The following CCDC172 variants were observed in gnomAD, a reference collection of about 807,000 sequenced individuals.
CCDC172 encodes the protein coiled-coil domain containing 172, also known as coiled-coil domain-containing protein 172.
A neutral mutation model predicts 38.0 loss-of-function variants in CCDC172; 30 were observed. That is an observed-to-expected ratio of 0.79 (90% CI 0.59 to 1.07). CCDC172 has a LOEUF of 1.07. CCDC172 is among the 50% of genes least tolerant of loss of function. The probability of loss-of-function intolerance (pLI) is 0.00; values close to 1 mark genes in which losing one functional copy is unlikely to be tolerated. For missense variants in CCDC172, 297 were observed against 290.1 expected (o/e 1.02, Z -0.17); for synonymous variants, 78 against 88.3 (o/e 0.88, Z 0.66).
chr10:116,325,388 G>C lies in CCDC172; in HGVS notation c.165G>C (p.Lys55Asn). ...AAGAGAAAATCAAGCTGGAATCTAA[G>C]GTATTGAAATGTAAAGCATACTAAT... The part of the protein sequence containing the change: ...LNEEKIKLES[K>N]VQQFFEKSFF... The change falls in exon 3 of 9, where the codon AAG becomes AAC. Residue 55 changes from lysine to asparagine, a missense_variant and splice_region_variant. Coordinates refer to ENST00000333254, the MANE Select transcript of CCDC172 (RefSeq NM_198515.3). The C allele has an allele frequency of 6.2e-7, 1 of 1,610,832 alleles. No homozygotes were observed. The highest frequency in any genetic ancestry group is 8.5e-7 in the Non-Finnish European group (1 of 1,178,298).
chr10:116,329,267 A>G (rs1444802846), intron 3 of CCDC172, among the ~76,000 whole-genome samples: 2 of 152,188 alleles, frequency 1.3e-5, no homozygotes, highest in African/African-American at 2.4e-5. Flanking sequence ...TGAGTATTGT[A>G]TTAGACATTG....
chr10:116,357,327 G>T, intron 5 of CCDC172, 53 bp from the exon 6 acceptor site: 1 of 1,205,758 alleles, frequency 8.3e-7, no homozygotes, highest in Non-Finnish European at 1.2e-6. Context: ...TACTTCCGGG[G>T]TTAAATTTAT....
intron 6 of CCDC172, 126 bp downstream of exon 6, chr10:116,357,607 A>C: frequency 2.2e-6 from 2 of 908,874 alleles, no homozygotes; most frequent in South Asian, 4.3e-5. Context: ...TATAAAAAAG[A>C]AATAGATAAA....
intron 3 of CCDC172, among the ~76,000 whole-genome samples, chr10:116,332,737 T>C (rs1291196404): frequency 4.6e-5 from 7 of 151,966 alleles, no homozygotes; most frequent in Non-Finnish European, 7.4e-5. Context: ...GGTACAGATA[T>C]GGTTTTTTTT....
chr10:116,335,353 T>C (rs567840193), intron 3 of CCDC172, among the ~76,000 whole-genome samples: 1 of 152,108 alleles, frequency 6.6e-6, no homozygotes, highest in Admixed American at 6.6e-5. Flanking sequence ...ATATATTCTA[T>C]ACTATTAATC....
chr10:116,350,552 G>A (rs1844918050), intron 5 of CCDC172, among the ~76,000 whole-genome samples: 1 of 152,160 alleles, frequency 6.6e-6, no homozygotes, highest in Non-Finnish European at 1.5e-5. Context: ...GTAATTCATA[G>A]ATAAAACAGT....
intron 3 of CCDC172, among the ~76,000 whole-genome samples, chr10:116,336,092 G>A (rs373995109): frequency 1.4e-4 from 22 of 152,000 alleles, no homozygotes; most frequent in Admixed American, 1.3e-4. Flanking sequence ...GCTTGAATCC[G>A]CGAGGCGGAG....
chr10:116,336,261 ATAT>A (rs1480838768), intron 3 of CCDC172, among the ~76,000 whole-genome samples: 11 of 148,398 alleles, frequency 7.4e-5, no homozygotes, highest in Non-Finnish European at 1.6e-4. Context: ...TATGTAGTAT[ATAT>A]TATATGTGAT....
intron 3 of CCDC172, among the ~76,000 whole-genome samples, chr10:116,336,717 A>G (rs1025754767): frequency 3.3e-5 from 5 of 151,924 alleles, no homozygotes; most frequent in African/African-American, 9.7e-5. Context: ...CTATTATGCT[A>G]TGGGGCAGAT....
chr10:116,363,384 A>G (rs992638531), intron 7 of CCDC172, among the ~76,000 whole-genome samples: 2 of 152,206 alleles, frequency 1.3e-5, no homozygotes, highest in Admixed American at 6.5e-5. Flanking sequence ...TGATAATTCT[A>G]CTGTCACACA....
chr10:116,372,607 A>G (rs1322095769), intron 7 of CCDC172, among the ~76,000 whole-genome samples: 2 of 152,126 alleles, frequency 1.3e-5, no homozygotes, highest in Non-Finnish European at 2.9e-5. Context: ...ATATTTGTTC[A>G]TTTGTCAGTA....
In CCDC172 at chr10:116,342,163, T is replaced by C. The variant is rs1844804095; in HGVS notation, c.410T>C (p.Ile137Thr). 6.5e-7 allele frequency: 1 copy of C among 1,538,210 alleles called. No homozygotes were observed. The highest frequency in any genetic ancestry group is 2.6e-5 in the East Asian group (1 of 38,968). The change falls in exon 5 of 9, where the codon ATA (isoleucine) becomes ACA (threonine). Residue 137 changes from isoleucine to threonine, a missense_variant. Ile to Thr is a moderately conservative substitution (Grantham distance 89, BLOSUM62 -1). Transcript: ENST00000333254. Reference sequence around the variant, plus strand: ...ATGAAAGAAAATGTCAAGATTGAAATATCTGACTTAGAAAACCAAGCAAAC... The same window carrying C: ...ATGAAAGAAAATGTCAAGATTGAAACATCTGACTTAGAAAACCAAGCAAAC... ...LLMKENVKIE[I>T]SDLENQANML...
chr10:116,374,967 A>G (rs1250144028), intron 7 of CCDC172, among the ~76,000 whole-genome samples: 1 of 150,752 alleles, frequency 6.6e-6, no homozygotes, highest in Non-Finnish European at 1.5e-5. Flanking sequence ...TATCCTTATC[A>G]ACACCTGGTA....
At chr10:116,367,945 A>G (rs1366484694) in intron 7 of CCDC172, among the ~76,000 whole-genome samples, 1 of 151,840 alleles carries the variant, frequency 6.6e-6, no homozygotes, top group Non-Finnish European at 1.5e-5. Context: ...TTAAATTGAC[A>G]CTTTTTCTGA....
At position 116,367,178 on chromosome 10, in the gene CCDC172, T is replaced by G. The variant is rs1289085304; in HGVS notation, c.653+9240T>G. Among the ~76,000 whole-genome samples, 4 of 152,150 alleles carry G rather than the reference T, an allele frequency of 2.6e-5. No individual in the cohort carries two copies. The East Asian group carries it at 7.7e-4, about 29-fold the overall frequency. On this transcript the variant is annotated intron_variant, in intron 7 of 8. Transcript: ENST00000333254. Reference sequence around the variant, plus strand: ...GCTGTGGTTGAAATTTTTAATCATTTTTTATAGTTAGCATTTTTGTTTCTT... The same window carrying G: ...GCTGTGGTTGAAATTTTTAATCATTGTTTATAGTTAGCATTTTTGTTTCTT...
At chr10:116,357,560 A>G in intron 6 of CCDC172, 79 bp downstream of exon 6, 1 of 1,176,974 alleles carries the variant, frequency 8.5e-7, no homozygotes, top group Non-Finnish European at 1.1e-6. Flanking sequence ...ATTCTTTTAA[A>G]ATATATTAAC....
chr10:116,340,603 T>C, intron 3 of CCDC172, 131 bp from the exon 4 acceptor site: 1 of 552,930 alleles, frequency 1.8e-6, no homozygotes, highest in Non-Finnish European at 3.2e-6. Context: ...TGTTTGATGC[T>C]AATTTTATTT....
In CCDC172 at chr10:116,379,390, T is replaced by G. The variant is rs1458287587; in HGVS notation, c.*32T>G. On this transcript the variant is annotated 3_prime_UTR_variant, in exon 9 of 9. Transcript: ENST00000333254. ...GAGAATTGATCAGCCATCTGAGATT[T>G]GATCAGAATATCTGAGAATCAAATC... is the stretch of plus-strand genomic sequence containing the variant. 1 of 1,493,892 alleles carries G rather than the reference T, an allele frequency of 6.7e-7. No individual in the cohort carries two copies. The highest frequency in any genetic ancestry group is 2.0e-5 in the Admixed American group (1 of 50,708). The allele number at this position is 1,493,892 out of a possible 1,614,324, so 92.5% of individuals were successfully genotyped here. A position where few individuals can be genotyped will look rare whatever the true frequency, so the allele number is the denominator to read the frequency against.
intron 3 of CCDC172, among the ~76,000 whole-genome samples, chr10:116,326,514 C>A (rs1330924223): frequency 6.6e-6 from 1 of 152,166 alleles, no homozygotes; most frequent in Non-Finnish European, 1.5e-5. Flanking sequence ...GGGAATGAAA[C>A]AATCAGAGAA....
Sources: gnomAD v4.1 joint callset for allele counts (sites outside exome capture counted in the v4.1 genomes callset) on GRCh38, gnomAD v4.1.1 for gene constraint, MANE v1.5 for transcripts, NCBI Gene and HGNC (gene_info 2026-07-23, HGNC 2026-07-21) for gene names.